The following SAMD8 variants were observed in gnomAD, a reference collection of about 807,000 sequenced individuals.
SAMD8 encodes sphingomyelin synthase-related protein 1.
In SAMD8, 20 loss-of-function variants were observed where a neutral mutation model predicts 42.0. That is an observed-to-expected ratio of 0.48 (90% CI 0.34 to 0.69). The LOEUF is 0.69. Among genes scored for constraint, SAMD8 ranks in the 30% least tolerant of loss-of-function variants. The pLI is 0.01. For missense variants in SAMD8, 328 were observed against 511.6 expected, an observed-to-expected ratio of 0.64 and a Z score of 3.46; for synonymous variants, 162 against 173.0, an observed-to-expected ratio of 0.94 and a Z score of 0.50.
chr10:75,158,612 A>G (rs1473590036), intron 2 of SAMD8, among the ~76,000 whole-genome samples: 1 of 152,086 alleles, frequency 6.6e-6, no homozygotes, highest in African/African-American at 2.4e-5. Flanking sequence ...ATAATAAAGT[A>G]TACAATTCAG....
Position 75,132,028 on chromosome 10 carries a change from GA to G in SAMD8, c.-15-18482del, listed in dbSNP as rs567988317. ...ACTATTCTAATGTATAGCCAGGGTT[GA>G]AAACCTTTGTATATGTAGTTTCCTT... is the stretch of plus-strand genomic sequence containing the variant. On this transcript the variant is annotated intron_variant, in intron 1 of 5. Coordinates refer to ENST00000542569, the MANE Select transcript of SAMD8 (RefSeq NM_001174156.2). 3.9e-5 allele frequency among the ~76,000 whole-genome samples: 6 copies of G among 152,304 alleles called. No individual in the cohort carries two copies. The South Asian group carries it at 1.0e-3, about 26-fold the overall frequency.
chr10:75,108,255 C>T (rs1268110790), upstream of SAMD8: 1 of 1,549,422 alleles, frequency 6.5e-7, no homozygotes, highest in South Asian at 1.2e-5. Flanking sequence ...AGCCATGGGA[C>T]CAGGAGGGAG....
At chr10:75,111,450 G>A, upstream of SAMD8, 5 of 1,178,246 alleles carry the variant, frequency 4.2e-6, no homozygotes, top group South Asian at 4.4e-5. Context: ...GCCCCCTGCC[G>A]GTAGAACCCC....
At chr10:75,122,188 G>T (rs1471711679) in intron 1 of SAMD8, among the ~76,000 whole-genome samples, 3 of 152,038 alleles carry the variant, frequency 2.0e-5, no homozygotes, top group Non-Finnish European at 4.4e-5. Flanking sequence ...AATGTAGACA[G>T]TGAAAGGGCC....
At chr10:75,129,640 A>G (rs1248413753) in intron 1 of SAMD8, among the ~76,000 whole-genome samples, 1 of 152,222 alleles carries the variant, frequency 6.6e-6, no homozygotes, top group Non-Finnish European at 1.5e-5. Flanking sequence ...TCTTAGGGAC[A>G]GTAGAAAATG....
intron 1 of SAMD8, among the ~76,000 whole-genome samples, chr10:75,147,408 C>T (rs989027907): frequency 6.6e-6 from 1 of 152,108 alleles, no homozygotes; most frequent in African/African-American, 2.4e-5. Context: ...CTAACTGCAA[C>T]CTTTGCCTGC....
intron 4 of SAMD8, among the ~76,000 whole-genome samples, chr10:75,171,367 C>T (rs1354410220): frequency 1.3e-5 from 2 of 151,440 alleles, no homozygotes. Flanking sequence ...CGGGGTTTCA[C>T]TGTGTTAGCC....
chr10:75,159,063 C>CTTT (rs530043259), intron 2 of SAMD8, among the ~76,000 whole-genome samples: 2 of 133,466 alleles, frequency 1.5e-5, no homozygotes, highest in African/African-American at 2.9e-5. Flanking sequence ...TTTTCTTTTT[C>CTTT]TTTTTTTTTT....
At chr10:75,107,841 T>C (rs768194221), upstream of SAMD8, 9 of 991,166 alleles carry the variant, frequency 9.1e-6, no homozygotes, top group Admixed American at 2.8e-5. Flanking sequence ...CCTCCCAAAG[T>C]GCTAGGATTA....
intron 1 of SAMD8, among the ~76,000 whole-genome samples, chr10:75,128,783 G>A (rs1032439130): frequency 5.9e-5 from 9 of 152,022 alleles, no homozygotes; most frequent in African/African-American, 2.2e-4. Flanking sequence ...GGTGCCTTGG[G>A]GTGATTACAG....
intron 2 of SAMD8, among the ~76,000 whole-genome samples, chr10:75,156,832 T>C (rs766837726): frequency 2.0e-5 from 3 of 152,094 alleles, no homozygotes; most frequent in Non-Finnish European, 4.4e-5. Context: ...AGATCCTATA[T>C]CAAGAAAACA....
intron 2 of SAMD8, among the ~76,000 whole-genome samples, chr10:75,153,060 C>T (rs904633322): frequency 1.3e-5 from 2 of 152,118 alleles, no homozygotes; most frequent in Non-Finnish European, 2.9e-5. Context: ...CAGCTCACTG[C>T]AACCTCCGCC....
At chr10:75,125,632 A>C (rs1480078740) in intron 1 of SAMD8, 1 of 152,208 alleles carries the variant, frequency 6.6e-6, no homozygotes, top group Non-Finnish European at 1.5e-5. Flanking sequence ...AGGAAAAAAA[A>C]ATAAAGTTCA....
intron 2 of SAMD8, among the ~76,000 whole-genome samples, chr10:75,162,955 C>T (rs1840593560): frequency 6.6e-6 from 1 of 151,684 alleles, no homozygotes; most frequent in Non-Finnish European, 1.5e-5. Flanking sequence ...AACAGAGTCT[C>T]GCTCTGTCAC....
upstream of SAMD8, among the ~76,000 whole-genome samples, chr10:75,106,799 T>C (rs986163213): frequency 6.6e-6 from 1 of 152,230 alleles, no homozygotes; most frequent in Non-Finnish European, 1.5e-5. Flanking sequence ...GGTGAATGAA[T>C]GGATAAATAG....
At chr10:75,161,006 T>A (rs2132189573) in intron 2 of SAMD8, among the ~76,000 whole-genome samples, 1 of 152,110 alleles carries the variant, frequency 6.6e-6, no homozygotes, top group African/African-American at 2.4e-5. Context: ...AGGTGGAGGT[T>A]GCAGTTAGCC....
At chr10:75,136,231 G>A (rs1839883504) in intron 1 of SAMD8, among the ~76,000 whole-genome samples, 1 of 152,032 alleles carries the variant, frequency 6.6e-6, no homozygotes, top group Non-Finnish European at 1.5e-5. Context: ...TTTTGTGTAA[G>A]TTACTAATAG....
Position 75,179,920 on chromosome 10 carries a change from A to G in SAMD8, c.*3228A>G, listed in dbSNP as rs1841051108. On this transcript the variant is annotated 3_prime_UTR_variant, in exon 6 of 6. Transcript: ENST00000542569. Reference sequence around the variant, plus strand: ...TGGAGACTTTAGTAAGGAAGGAACCAAAAGGTTTTTGGTTTGGGGATGCAA... The same window carrying G: ...TGGAGACTTTAGTAAGGAAGGAACCGAAAGGTTTTTGGTTTGGGGATGCAA... 1 of 152,212 alleles carries G rather than the reference A, an allele frequency of 6.6e-6. No homozygotes were observed. The highest frequency in any genetic ancestry group is 2.4e-5 in the African/African-American group (1 of 41,456). 9.4% of individuals were successfully genotyped at this position (152,212 alleles called of 1,614,324 possible).
intron 1 of SAMD8, among the ~76,000 whole-genome samples, chr10:75,119,524 A>T (rs1848957726): frequency 6.6e-6 from 1 of 152,222 alleles, no homozygotes; most frequent in African/African-American, 2.4e-5. Context: ...GGGCATTTGA[A>T]TGTAGGGCTT....
Sources: allele counts gnomAD v4.1 joint callset (sites outside exome capture counted in the v4.1 genomes callset), GRCh38; gene constraint gnomAD v4.1.1; transcripts MANE v1.5; gene names NCBI Gene and HGNC (gene_info 2026-07-23, HGNC 2026-07-21).